Variants in CCSER1 observed in about 807,000 individuals in gnomAD.
The protein encoded by CCSER1 is serine-rich coiled-coil domain-containing protein 1.
Under a neutral mutation model 82.0 loss-of-function variants are expected in CCSER1, and 41 were observed. The ratio of observed to expected loss-of-function variants is 0.50; its 90% CI spans 0.39 to 0.65. The LOEUF (loss-of-function observed/expected upper bound fraction) is 0.65, where lower values mean the gene tolerates loss of function less well. CCSER1 is among the 30% of genes least tolerant of loss of function. The pLI is 0.00. For synonymous variants in CCSER1, 414 were observed against 383.9 expected, an observed-to-expected ratio of 1.08 and a Z score of -0.92; for missense variants, 1,119 against 1,064.2, an observed-to-expected ratio of 1.05 and a Z score of -0.72.
rs1417351457 is a variant in CCSER1, at chr4:91,598,899, C to G, written c.2545C>G (p.Gln849Glu). Residue 849 changes from glutamine to glutamate, a missense_variant, in exon 11 of 11, where the codon CAA (glutamine) becomes GAA (glutamate). By Grantham distance (29) the Gln-to-Glu change is conservative. Transcript: ENST00000509176. ...CACGTTCTTAGAGAAACCAAAGGAC[C>G]AAGTTGCTACGGCCCGACAGCATTC... ...LSTFLEKPKDQVATARQHSTF... is the reference protein window; with the variant it reads ...LSTFLEKPKDEVATARQHSTF... 4 of 1,551,468 alleles carry G rather than the reference C, an allele frequency of 2.6e-6. No homozygotes were observed. The highest frequency in any genetic ancestry group is 3.5e-6 in the Non-Finnish European group (4 of 1,146,948).
At chr4:91,071,075 T>C (rs1187538576) in intron 9 of CCSER1, among the ~76,000 whole-genome samples, 1 of 152,200 alleles carries the variant, frequency 6.6e-6, no homozygotes, top group Non-Finnish European at 1.5e-5. Flanking sequence ...AGTACAAATT[T>C]GGTAAAACTA....
At chr4:90,431,533 A>G (rs1758276695) in intron 4 of CCSER1, among the ~76,000 whole-genome samples, 5 of 152,086 alleles carry the variant, frequency 3.3e-5, no homozygotes, top group Admixed American at 3.3e-4. Flanking sequence ...GTTTCTTACG[A>G]TGCTTATTGT....
At chr4:91,223,517 G>A (rs1332551991) in intron 10 of CCSER1, among the ~76,000 whole-genome samples, 1 of 152,088 alleles carries the variant, frequency 6.6e-6, no homozygotes, top group Non-Finnish European at 1.5e-5. Context: ...TAATTCCAAA[G>A]GGGGAAAAAT....
intron 10 of CCSER1, among the ~76,000 whole-genome samples, chr4:91,274,545 T>C (rs1742274873): frequency 6.6e-6 from 1 of 152,118 alleles, no homozygotes. Context: ...ATGAGATTAA[T>C]GTTTTTAGCT....
chr4:90,745,231 C>A (rs1747217376), intron 7 of CCSER1, among the ~76,000 whole-genome samples: 1 of 152,060 alleles, frequency 6.6e-6, no homozygotes, highest in Admixed American at 6.6e-5. Context: ...TTTGTAGACC[C>A]CGTCTATCTT....
At chr4:91,261,141 C>A (rs1327993663) in intron 10 of CCSER1, among the ~76,000 whole-genome samples, 6 of 152,146 alleles carry the variant, frequency 3.9e-5, no homozygotes, top group Non-Finnish European at 8.8e-5. Context: ...GAAGTGGTAC[C>A]AACACATGGC....
chr4:90,919,013 G>T (rs185923028), intron 8 of CCSER1, among the ~76,000 whole-genome samples: 4 of 142,528 alleles, frequency 2.8e-5, no homozygotes, highest in Admixed American at 2.2e-4. Context: ...ATTTATATTA[G>T]TAGGCATTCT....
At chr4:91,071,376 G>A (rs1721416815) in intron 9 of CCSER1, among the ~76,000 whole-genome samples, 1 of 152,198 alleles carries the variant, frequency 6.6e-6, no homozygotes, top group African/African-American at 2.4e-5. Flanking sequence ...AGTGCTCATT[G>A]AGAAGGTGAG....
intron 9 of CCSER1, among the ~76,000 whole-genome samples, chr4:90,986,944 G>T (rs1736625354): frequency 6.6e-6 from 1 of 151,664 alleles, no homozygotes; most frequent in African/African-American, 2.4e-5. Flanking sequence ...GAAGAGTCAT[G>T]TAGGGTTTAT....
intron 9 of CCSER1, among the ~76,000 whole-genome samples, chr4:90,985,775 T>G (rs1211020064): frequency 6.6e-6 from 1 of 151,660 alleles, no homozygotes; most frequent in Non-Finnish European, 1.5e-5. Flanking sequence ...GACCGCCCAC[T>G]TGTATTTTAG....
intron 7 of CCSER1, among the ~76,000 whole-genome samples, chr4:90,743,244 G>T (rs1746848056): frequency 6.6e-6 from 1 of 152,108 alleles, no homozygotes; most frequent in South Asian, 2.1e-4. Flanking sequence ...TTTGGTTAGT[G>T]GCTGATACAT....
chr4:90,510,336 G>A (rs1055971011), intron 5 of CCSER1, among the ~76,000 whole-genome samples: 2 of 152,158 alleles, frequency 1.3e-5, no homozygotes, highest in African/African-American at 4.8e-5. Flanking sequence ...TTTCTAAGGT[G>A]AATTCTTTAG....
intron 1 of CCSER1, among the ~76,000 whole-genome samples, chr4:90,154,199 G>T (rs12639956): frequency 6.6e-6 from 1 of 151,562 alleles, no homozygotes; most frequent in African/African-American, 2.4e-5. Flanking sequence ...GATATGCGGC[G>T]TAGATTTCTG....
intron 5 of CCSER1, among the ~76,000 whole-genome samples, chr4:90,592,175 A>G (rs141854834): frequency 3.9e-5 from 6 of 152,324 alleles, no homozygotes; most frequent in Non-Finnish European, 5.9e-5. Flanking sequence ...CGTTCTGCAC[A>G]TATATCCCAG....
At chr4:91,013,463 A>G (rs1159036983) in intron 9 of CCSER1, among the ~76,000 whole-genome samples, 1 of 133,296 alleles carries the variant, frequency 7.5e-6, no homozygotes, top group Non-Finnish European at 1.7e-5. Context: ...TGATTAGATT[A>G]CTTTAACATT....
chr4:90,562,992 T>C (rs1192889561), intron 5 of CCSER1, among the ~76,000 whole-genome samples: 2 of 152,082 alleles, frequency 1.3e-5, no homozygotes, highest in Admixed American at 6.5e-5. Flanking sequence ...AAAACTAATA[T>C]TGAATTTCAT....
At chr4:91,071,391 A>G (rs1721419203) in intron 9 of CCSER1, among the ~76,000 whole-genome samples, 2 of 152,186 alleles carry the variant, frequency 1.3e-5, no homozygotes, top group African/African-American at 4.8e-5. Context: ...GGTGAGATAC[A>G]AACAAAGACT....
chr4:91,546,921 A>G (rs1032908934), intron 10 of CCSER1, among the ~76,000 whole-genome samples: 1 of 145,498 alleles, frequency 6.9e-6, no homozygotes, highest in South Asian at 2.1e-4. Flanking sequence ...GATGAGTAGT[A>G]TTTTTGTTTT....
At chr4:90,740,268 A>G (rs1330131891) in intron 7 of CCSER1, among the ~76,000 whole-genome samples, 1 of 152,160 alleles carries the variant, frequency 6.6e-6, no homozygotes, top group East Asian at 1.9e-4. Flanking sequence ...TTTGGTGTCA[A>G]TATTTTTTTC....
Sources: gnomAD v4.1 joint callset for allele counts (sites outside exome capture counted in the v4.1 genomes callset) on GRCh38, gnomAD v4.1.1 for gene constraint, MANE v1.5 for transcripts, NCBI Gene and HGNC (gene_info 2026-07-23, HGNC 2026-07-21) for gene names.